CTNNA2: variants seen among roughly 807,000 people sequenced by gnomAD.
CTNNA2 encodes the protein catenin alpha 2, also known as catenin alpha-2.
A neutral mutation model predicts 101.0 loss-of-function variants in CTNNA2; 42 were observed. That is an observed-to-expected ratio of 0.42 (90% CI 0.32 to 0.54). The LOEUF (loss-of-function observed/expected upper bound fraction) is 0.54. Ranked by LOEUF, CTNNA2 falls within the 20% of genes least tolerant of loss-of-function variation. The pLI, the probability that CTNNA2 is intolerant of heterozygous loss-of-function variation, is 0.14. For missense variants in CTNNA2, 871 were observed against 1,223.1 expected (o/e 0.71, Z 4.29); for synonymous variants, 450 against 456.4 (o/e 0.99, Z 0.18).
chr2:79,379,800 A>AG (rs1168861775), intron 4 of CTNNA2, among the ~76,000 whole-genome samples: 3 of 152,166 alleles, frequency 2.0e-5, no homozygotes, highest in African/African-American at 7.2e-5. Context: ...TTCAAAAAAA[A>AG]TTTTTTAATA....
intron 9 of CTNNA2, among the ~76,000 whole-genome samples, chr2:80,509,431 G>A (rs149158823): frequency 3.9e-5 from 6 of 152,204 alleles, no homozygotes; most frequent in East Asian, 3.9e-4. Context: ...AATACTCTAC[G>A]GACAAGAAAT....
intron 11 of CTNNA2, among the ~76,000 whole-genome samples, chr2:80,555,182 C>T (rs1479675551): frequency 6.6e-5 from 10 of 151,986 alleles, no homozygotes; most frequent in African/African-American, 7.2e-5. Flanking sequence ...CAAATGTTTT[C>T]GTAATGAAAA....
chr2:79,367,579 C>T (rs1677778143), intron 3 of CTNNA2, among the ~76,000 whole-genome samples: 1 of 152,084 alleles, frequency 6.6e-6, no homozygotes, highest in Non-Finnish European at 1.5e-5. Flanking sequence ...CACTGTAGAA[C>T]TGCAGCAGAA....
intron 7 of CTNNA2, chr2:80,030,532 T>C (rs1357138676): frequency 1.3e-5 from 2 of 152,170 alleles, no homozygotes; most frequent in Admixed American, 6.5e-5. Context: ...GGGTTTTGTT[T>C]CGTTGTCCTG....
At position 79,433,624 on chromosome 2, in the gene CTNNA2, GAAAAA is replaced by G. The variant is rs200656588; in HGVS notation, c.-135+59631_-135+59635del. Among the ~76,000 whole-genome samples the G allele has an allele frequency of 3.8e-3, 359 of 95,710 alleles. 3 individuals are homozygous for G. The highest frequency in any genetic ancestry group is 7.7e-3 in the East Asian group (25 of 3,254). 62.8% of individuals were successfully genotyped at this position (95,710 alleles called of 152,430 possible). A position where few individuals can be genotyped will look rare whatever the true frequency, so the allele number is the denominator to read the frequency against. On this transcript the variant is annotated intron_variant, in intron 4 of 21. Coordinates refer to the CTNNA2 transcript ENST00000466387. Reference sequence around the variant, plus strand: ...GATGAGCTCACTGTATGCCTTTGAGGAAAAAAAAAAAAAAAAAAAAAAAACTCTTG... The same window carrying G: ...GATGAGCTCACTGTATGCCTTTGAGGAAAAAAAAAAAAAAAAAAACTCTTG...
chr2:80,025,735 G>T (rs144026104), intron 7 of CTNNA2, among the ~76,000 whole-genome samples: 1 of 152,292 alleles, frequency 6.6e-6, no homozygotes, highest in African/African-American at 2.4e-5. Context: ...AGTAGTGACA[G>T]CTTGTGCTCT....
At chr2:79,563,100 T>A (rs1207364049) in intron 1 of CTNNA2, among the ~76,000 whole-genome samples, 2 of 151,148 alleles carry the variant, frequency 1.3e-5, no homozygotes, top group African/African-American at 4.9e-5. Context: ...ATTCATAATG[T>A]TTTACAGACA....
At chr2:79,328,403 C>T (rs114531450) in intron 3 of CTNNA2, among the ~76,000 whole-genome samples, 6,892 of 152,246 alleles carry the variant, frequency 0.045, 226 homozygotes, top group Middle Eastern at 0.099. Flanking sequence ...CTAAGATATT[C>T]ATAACAGATT....
At chr2:79,759,389 C>G (rs550213924) in intron 3 of CTNNA2, among the ~76,000 whole-genome samples, 24 of 122,354 alleles carry the variant, frequency 2.0e-4, no homozygotes, top group African/African-American at 7.9e-4. Context: ...GTGACTCCAT[C>G]TCAAAGATAA....
At chr2:79,797,024 A>G (rs887999484) in intron 3 of CTNNA2, among the ~76,000 whole-genome samples, 5 of 152,210 alleles carry the variant, frequency 3.3e-5, no homozygotes, top group Admixed American at 3.3e-4. Context: ...TCTGTTGCCA[A>G]AATTCCCATT....
Position 79,905,387 on chromosome 2 carries a change from A to C in CTNNA2, c.853-4207A>C, listed in dbSNP as rs552070741. 2.0e-5 allele frequency among the ~76,000 whole-genome samples: 3 copies of C among 152,342 alleles called. No individual in the cohort carries two copies. In the East Asian group the frequency reaches 5.8e-4, roughly 29 times the overall value. On this transcript the variant is annotated intron_variant, in intron 6 of 18. Transcript: ENST00000402739. ...AGATAAAATGACTAAATGAGCTTTA[A>C]GAATGCCGACAGGAGATGGGGATAT...
At chr2:80,401,502 C>T (rs1678544929) in intron 8 of CTNNA2, among the ~76,000 whole-genome samples, 3 of 152,320 alleles carry the variant, frequency 2.0e-5, no homozygotes, top group South Asian at 4.1e-4. Flanking sequence ...AGATATTTGA[C>T]TCCATTTTGG....
chr2:80,115,591 G>C (rs1396958645), intron 7 of CTNNA2, among the ~76,000 whole-genome samples: 1 of 152,178 alleles, frequency 6.6e-6, no homozygotes, highest in African/African-American at 2.4e-5. Flanking sequence ...ACGAGAGAGA[G>C]AGGGGGAGAC....
chr2:80,334,213 A>C (rs1031834914), intron 7 of CTNNA2, among the ~76,000 whole-genome samples: 2 of 152,184 alleles, frequency 1.3e-5, no homozygotes, highest in Admixed American at 1.3e-4. Flanking sequence ...AAAGCAATGG[A>C]TCTTTCTCGT....
intron 2 of CTNNA2, among the ~76,000 whole-genome samples, chr2:79,292,158 A>G (rs1461931438): frequency 6.6e-6 from 1 of 152,202 alleles, no homozygotes; most frequent in Non-Finnish European, 1.5e-5. Flanking sequence ...TAAAAAATTG[A>G]TGGTTCTTTA....
intron 3 of CTNNA2, among the ~76,000 whole-genome samples, chr2:79,318,385 T>C (rs1275824246): frequency 6.6e-6 from 1 of 152,184 alleles, no homozygotes; most frequent in South Asian, 2.1e-4. Flanking sequence ...ACATTTTATA[T>C]TGAATATGCA....
chr2:79,479,779 T>C (rs1250965535), intron 4 of CTNNA2, among the ~76,000 whole-genome samples: 1 of 151,708 alleles, frequency 6.6e-6, no homozygotes, highest in African/African-American at 2.4e-5. Flanking sequence ...AAAAATTAGC[T>C]CGGCATGGTG....
At chr2:80,374,686 T>C (rs773127010) in intron 7 of CTNNA2, among the ~76,000 whole-genome samples, 2,276 of 129,874 alleles carry the variant, frequency 0.018, 30 homozygotes, top group Non-Finnish European at 0.027. Flanking sequence ...TGCGTGCGTG[T>C]GTGTGTGTGT....
At chr2:80,347,533 C>A (rs546741947) in intron 7 of CTNNA2, among the ~76,000 whole-genome samples, 1 of 152,122 alleles carries the variant, frequency 6.6e-6, no homozygotes, top group South Asian at 2.1e-4. Context: ...AAATGCACAG[C>A]GCTCCTTAGA....
Sources: gnomAD v4.1 joint callset for allele counts (sites outside exome capture counted in the v4.1 genomes callset) on GRCh38, gnomAD v4.1.1 for gene constraint, MANE v1.5 for transcripts, NCBI Gene and HGNC (gene_info 2026-07-23, HGNC 2026-07-21) for gene names.